The following PIP5K1B variants were observed in gnomAD, a reference collection of about 807,000 sequenced individuals.
PIP5K1B encodes the protein phosphatidylinositol-4-phosphate 5-kinase type 1 beta.
PIP5K1B carries 42 observed loss-of-function variants against 67.0 expected under a neutral mutation model. That is an observed-to-expected ratio of 0.63 (90% CI 0.49 to 0.81). PIP5K1B has a LOEUF of 0.81. Among genes scored for constraint, PIP5K1B ranks in the 30% least tolerant of loss-of-function variants. PIP5K1B has a pLI of 0.00. For synonymous variants in PIP5K1B, 214 were observed against 231.4 expected, an observed-to-expected ratio of 0.92 and a Z score of 0.68; for missense variants, 459 against 646.3, an observed-to-expected ratio of 0.71 and a Z score of 3.14.
intron 2 of PIP5K1B, among the ~76,000 whole-genome samples, chr9:68,774,920 A>G (rs1295707563): frequency 1.3e-5 from 2 of 152,170 alleles, no homozygotes; most frequent in Non-Finnish European, 2.9e-5. Context: ...TCCTTGATCA[A>G]CTTCTTCAAC....
At chr9:68,720,020 A>C (rs1827812713) in intron 1 of PIP5K1B, among the ~76,000 whole-genome samples, 1 of 152,184 alleles carries the variant, frequency 6.6e-6, no homozygotes, top group Admixed American at 6.5e-5. Context: ...CTCCTTACTG[A>C]AAGGTAAAGT....
At chr9:68,837,066 G>A (rs11143951) in intron 4 of PIP5K1B, among the ~76,000 whole-genome samples, 14,261 of 152,258 alleles carry the variant, frequency 0.094, 854 homozygotes, top group Non-Finnish European at 0.14. Context: ...CACTTGGGCC[G>A]GAAAGCGTTC....
At chr9:68,848,748 G>A (rs761082646) in intron 4 of PIP5K1B, among the ~76,000 whole-genome samples, 2 of 152,154 alleles carry the variant, frequency 1.3e-5, no homozygotes, top group Non-Finnish European at 2.9e-5. Context: ...TATTGTTTTA[G>A]AGCTTCCATG....
chr9:68,824,283 CTT>C (rs1163837232), intron 4 of PIP5K1B: 19 of 517,896 alleles, frequency 3.7e-5, no homozygotes, highest in Non-Finnish European at 7.3e-5. Context: ...ACAGGAGATC[CTT>C]TGTCGCTGCA....
chr9:68,797,424 A>G (rs1467628318), intron 2 of PIP5K1B, among the ~76,000 whole-genome samples: 1 of 152,262 alleles, frequency 6.6e-6, no homozygotes, highest in African/African-American at 2.4e-5. Context: ...AAGAATTGCA[A>G]TGTTGATTTA....
At chr9:68,707,719 TATTCTGCCATCATTTCA>T (rs1274001417) in intron 1 of PIP5K1B, 1 of 152,158 alleles carries the variant, frequency 6.6e-6, no homozygotes, top group African/African-American at 2.4e-5. Context: ...TTGCTTTGTG[TATTCTGCCATCATTTCA>T]GTTCTGATAG....
At chr9:68,783,552 A>T (rs1018599642) in intron 2 of PIP5K1B, 5 of 166,952 alleles carry the variant, frequency 3.0e-5, no homozygotes, top group African/African-American at 1.2e-4. Flanking sequence ...ATTGTACAAG[A>T]TGTGTTACTG....
chr9:68,889,363 G>C (rs1018301032), intron 7 of PIP5K1B, among the ~76,000 whole-genome samples: 1 of 152,078 alleles, frequency 6.6e-6, no homozygotes, highest in Non-Finnish European at 1.5e-5. Context: ...TCAAATCCCA[G>C]CTCAGCCAAT....
chr9:68,792,332 CTGTTT>C (rs894953320), intron 2 of PIP5K1B, among the ~76,000 whole-genome samples: 19 of 152,112 alleles, frequency 1.2e-4, no homozygotes, highest in African/African-American at 3.6e-4. Flanking sequence ...TACACAGTTT[CTGTTT>C]TGTTTTGTTT....
chr9:68,723,617 A>G (rs1827997526), intron 1 of PIP5K1B, among the ~76,000 whole-genome samples: 1 of 146,708 alleles, frequency 6.8e-6, no homozygotes, highest in African/African-American at 2.5e-5. Context: ...TTTTTCATAT[A>G]CCTGTTAGCC....
At chr9:68,869,246 G>T (rs1413547084) in intron 5 of PIP5K1B, among the ~76,000 whole-genome samples, 1 of 152,162 alleles carries the variant, frequency 6.6e-6, no homozygotes, top group Non-Finnish European at 1.5e-5. Context: ...GGCGAGCTCC[G>T]CCTCCTGTCA....
At chr9:68,924,888 A>G (rs1322729249) in intron 12 of PIP5K1B, among the ~76,000 whole-genome samples, 1 of 152,194 alleles carries the variant, frequency 6.6e-6, no homozygotes, top group Admixed American at 6.5e-5. Context: ...GCCACAACCC[A>G]GAGATATCCA....
At chr9:68,914,671 C>T (rs1267129877) in intron 8 of PIP5K1B, among the ~76,000 whole-genome samples, 2 of 152,002 alleles carry the variant, frequency 1.3e-5, no homozygotes, top group Non-Finnish European at 2.9e-5. Context: ...GCCGAGATTG[C>T]ACCACTGCAC....
At chr9:68,988,571 T>A (rs1451971023) in intron 14 of PIP5K1B, among the ~76,000 whole-genome samples, 2 of 149,884 alleles carry the variant, frequency 1.3e-5, no homozygotes, top group Non-Finnish European at 3.0e-5. Flanking sequence ...TGCCTCAGCC[T>A]CCTGAGTAGC....
intron 4 of PIP5K1B, among the ~76,000 whole-genome samples, chr9:68,858,698 C>T (rs1488626434): frequency 6.6e-6 from 1 of 152,188 alleles, no homozygotes; most frequent in African/African-American, 2.4e-5. Flanking sequence ...CTTTTGAAAA[C>T]AATCACTCTG....
rs563957396 is a variant in PIP5K1B, at chr9:68,753,038, T to C, written c.-86+10381T>C. On this transcript the variant is annotated intron_variant, in intron 2 of 15. Transcript: ENST00000265382. ...TTTTACATTTAAATCTTATTGCATC[T>C]GATATTTATTTTTGTATAAGGTGAG... Among the ~76,000 whole-genome samples, 3 of 152,346 alleles carry C rather than the reference T, an allele frequency of 2.0e-5. No individual in the cohort carries two copies. In the South Asian group the frequency reaches 6.2e-4, roughly 32 times the overall value.
chr9:68,800,665 G>A (rs752628801), intron 2 of PIP5K1B, among the ~76,000 whole-genome samples: 1 of 152,196 alleles, frequency 6.6e-6, no homozygotes, highest in Non-Finnish European at 1.5e-5. Context: ...CAGCTGCCAC[G>A]CTCTGTATCT....
At chr9:68,742,053 A>G (rs1206766961) in intron 1 of PIP5K1B, among the ~76,000 whole-genome samples, 1 of 152,120 alleles carries the variant, frequency 6.6e-6, no homozygotes, top group Admixed American at 6.6e-5. Flanking sequence ...TTCCACTATT[A>G]CTTGTTTCCT....
intron 12 of PIP5K1B, among the ~76,000 whole-genome samples, chr9:68,927,342 G>A (rs1010792920): frequency 2.0e-5 from 3 of 152,196 alleles, no homozygotes; most frequent in Non-Finnish European, 2.9e-5. Context: ...TTGAGGAACT[G>A]TCAAACTCCT....
Sources: allele counts gnomAD v4.1 joint callset (sites outside exome capture counted in the v4.1 genomes callset), GRCh38; gene constraint gnomAD v4.1.1; transcripts MANE v1.5; gene names NCBI Gene and HGNC (gene_info 2026-07-23, HGNC 2026-07-21).